CERS1: variants seen among roughly 807,000 people sequenced by gnomAD.
CERS1 encodes the protein ceramide synthase 1.
CERS1 carries 16 observed loss-of-function variants against 35.7 expected under a neutral mutation model. That is an observed-to-expected ratio of 0.45 (90% CI 0.30 to 0.68). The LOEUF is 0.68. Among genes scored for constraint, CERS1 ranks in the 30% least tolerant of loss-of-function variants. The probability of loss-of-function intolerance (pLI) is 0.08; values close to 1 mark genes in which losing one functional copy is unlikely to be tolerated. For synonymous variants in CERS1, 243 were observed against 201.6 expected (o/e 1.21, Z -1.74); for missense variants, 454 against 453.9 (o/e 1.00, Z 0.00).
intron 1 of CERS1, among the ~76,000 whole-genome samples, chr19:18,894,817 G>A (rs1357918300): frequency 1.3e-5 from 2 of 152,156 alleles, no homozygotes; most frequent in Admixed American, 6.5e-5. Flanking sequence ...ACAAGGGCCA[G>A]CCTCTTCCCG....
intron 4 of CERS1, 31 bp downstream of exon 4, chr19:18,880,239 ACCTC>A (rs1306836988): frequency 6.6e-7 from 1 of 1,515,142 alleles, no homozygotes; most frequent in East Asian, 2.5e-5. Flanking sequence ...ACCAGGCCAC[ACCTC>A]CCTCCCTGCC....
intron 1 of CERS1, among the ~76,000 whole-genome samples, chr19:18,894,735 C>T (rs1282322389): frequency 6.6e-6 from 1 of 152,190 alleles, no homozygotes; most frequent in Non-Finnish European, 1.5e-5. Context: ...GCTGGGGTCT[C>T]TCCCTCATGT....
chr19:18,870,171 C>G lies in CERS1; in HGVS notation c.*406G>C, dbSNP rs2055941159. The G allele has an allele frequency of 1.3e-6, 2 of 1,561,300 alleles. No homozygotes were observed. Among genetic ancestry groups the G allele is most frequent in the Non-Finnish European group, 1.7e-6 (2 of 1,159,446 alleles). ...CCTGGGGGCACCCTGGGGCTCATCG[C>G]GCAGTCCTAGAGCCTGGAGCAGGGC... On this transcript the variant is annotated 3_prime_UTR_variant, in exon 7 of 8. Transcript: ENST00000623882. This position sits in a 1 kb window ranked among gnomAD's most constrained non-coding sequence, Gnocchi z 5.1.
At chr19:18,881,767 C>CTCTGCTCA (rs3831634) in intron 3 of CERS1, 67,433 of 151,238 alleles carry the variant, frequency 0.45, 15,375 homozygotes, top group South Asian at 0.55. Context: ...TCCTTTCAGT[C>CTCTGCTCA]TCTGCTCATC....
Position 18,878,563 on chromosome 19 carries a change from G to A in CERS1, c.1010+367C>T, listed in dbSNP as rs547540442. 1.1e-4 allele frequency: 111 copies of A among 1,037,324 alleles called. No homozygotes were observed. The highest frequency in any genetic ancestry group is 1.3e-4 in the Non-Finnish European group (109 of 860,970). The allele number at this position is 1,037,324 out of a possible 1,614,324, so 64.3% of individuals were successfully genotyped here. ...CCCCACTGCCACCAGCTCCAGTGGCGACATGGGTCAGAGGTCGTCATCCAG... is the reference window on the plus strand; with the variant it reads ...CCCCACTGCCACCAGCTCCAGTGGCAACATGGGTCAGAGGTCGTCATCCAG... On this transcript the variant is annotated intron_variant, in intron 6 of 7. Coordinates refer to ENST00000623882, the MANE Select transcript of CERS1 (RefSeq NM_021267.5). This position sits in a 1 kb window ranked among gnomAD's most constrained non-coding sequence, Gnocchi z 4.6.
chr19:18,886,609 G>C (rs929849501), intron 2 of CERS1, among the ~76,000 whole-genome samples: 1 of 152,128 alleles, frequency 6.6e-6, no homozygotes, highest in African/African-American at 2.4e-5. Context: ...GCCATGCTGT[G>C]CTCTGCCCAC....
In CERS1 at chr19:18,870,748, T is replaced by C; in HGVS notation, c.1011-129A>G. 2.2e-6 allele frequency: 1 copy of C among 445,246 alleles called. No individual in the cohort carries two copies. Among genetic ancestry groups the C allele is most frequent in the Non-Finnish European group, 4.1e-6 (1 of 245,846 alleles). The allele number at this position is 445,246 out of a possible 1,614,324, so 27.6% of individuals were successfully genotyped here. ...ACCCGGCCAGGCCCGGGCCTCGCCT[T>C]GTGGCTTCCTCCTCGCCTTCACCCT... On this transcript the variant is annotated intron_variant, in intron 6 of 7. Coordinates refer to ENST00000623882, the MANE Select transcript of CERS1 (RefSeq NM_021267.5). The surrounding 1 kb of genome is among the most constrained non-coding windows in gnomAD (Gnocchi z 5.1).
intron 2 of CERS1, among the ~76,000 whole-genome samples, chr19:18,889,564 A>C (rs1462570970): frequency 6.6e-6 from 1 of 152,300 alleles, no homozygotes; most frequent in Non-Finnish European, 1.5e-5. Context: ...AGCTGGGACC[A>C]CAGGCACGCG....
chr19:18,876,016 G>A (rs1427484568), intron 6 of CERS1, among the ~76,000 whole-genome samples: 1 of 152,206 alleles, frequency 6.6e-6, no homozygotes, highest in Admixed American at 6.5e-5. Flanking sequence ...TGTTCCTTTT[G>A]TTATAGAGTT....
chr19:18,887,050 AT>A, intron 2 of CERS1, among the ~76,000 whole-genome samples: 1 of 152,360 alleles, frequency 6.6e-6, no homozygotes, highest in East Asian at 1.9e-4. Flanking sequence ...ACTCAAAGAG[AT>A]ACTCATGTGT....
chr19:18,883,726 C>T (rs1321564629), intron 3 of CERS1, among the ~76,000 whole-genome samples: 1 of 152,142 alleles, frequency 6.6e-6, no homozygotes, highest in East Asian at 1.9e-4. Context: ...ACAGCCATGC[C>T]CCCATTGCTT....
At chr19:18,877,861 A>C in intron 6 of CERS1, 1 of 586,014 alleles carries the variant, frequency 1.7e-6, no homozygotes, top group Non-Finnish European at 2.1e-6. Context: ...AACCCATGTG[A>C]CCCTCTGCCC....
intron 3 of CERS1, among the ~76,000 whole-genome samples, chr19:18,880,911 A>C (rs1328286815): frequency 6.6e-6 from 1 of 152,130 alleles, no homozygotes; most frequent in African/African-American, 2.4e-5. Context: ...GTTGCCCAGA[A>C]TGGCCTCAAA....
chr19:18,869,769 CAGA>C (rs1438430307), intron 7 of CERS1, among the ~76,000 whole-genome samples: 1 of 152,098 alleles, frequency 6.6e-6, no homozygotes, highest in Non-Finnish European at 1.5e-5. Context: ...CAGCATCAAG[CAGA>C]AGGACTGGTC....
chr19:18,889,871 C>G (rs2056450085), intron 2 of CERS1, among the ~76,000 whole-genome samples: 1 of 152,208 alleles, frequency 6.6e-6, no homozygotes, highest in African/African-American at 2.4e-5. Flanking sequence ...TCCTCACCCT[C>G]TTCCTTTCAC....
At chr19:18,874,621 G>C (rs1317694494) in intron 6 of CERS1, among the ~76,000 whole-genome samples, 3 of 152,230 alleles carry the variant, frequency 2.0e-5, no homozygotes, top group African/African-American at 4.8e-5. Flanking sequence ...GGGCAATGGG[G>C]ACTTTGGACA....
intron 6 of CERS1, among the ~76,000 whole-genome samples, chr19:18,873,020 T>C (rs1418668288): frequency 6.6e-6 from 1 of 152,104 alleles, no homozygotes; most frequent in African/African-American, 2.4e-5. Context: ...CCAGAGCGAG[T>C]GTGCAGAGAG....
At chr19:18,876,858 CAT>C (rs1355942937) in intron 6 of CERS1, among the ~76,000 whole-genome samples, 1 of 152,174 alleles carries the variant, frequency 6.6e-6, no homozygotes, top group African/African-American at 2.4e-5. Flanking sequence ...AAACTCTCCA[CAT>C]GATTTGAATT....
intron 6 of CERS1, chr19:18,877,858 G>T: frequency 1.8e-6 from 1 of 568,216 alleles, no homozygotes; most frequent in Non-Finnish European, 2.2e-6. Context: ...CAGAACCCAT[G>T]TGACCCTCTG....
Sources: allele counts gnomAD v4.1 joint callset (sites outside exome capture counted in the v4.1 genomes callset), GRCh38; gene constraint gnomAD v4.1.1; non-coding constraint Gnocchi (gnomAD v3.1); transcripts MANE v1.5; gene names NCBI Gene and HGNC (gene_info 2026-07-23, HGNC 2026-07-21).